The following WWOX variants were observed in gnomAD, a reference collection of about 807,000 sequenced individuals.
WWOX encodes WW domain containing oxidoreductase, also known as WW domain-containing oxidoreductase.
Under a neutral mutation model 46.2 loss-of-function variants are expected in WWOX, and 69 were observed. The observed-to-expected ratio is 1.49, with a 90% CI of 1.23 to 1.82. The LOEUF is 1.82. Among genes scored for constraint, WWOX ranks in the 40% most tolerant of loss-of-function variants. WWOX has a pLI of 0.00. For missense variants in WWOX, 919 were observed against 542.6 expected (o/e 1.69, Z -6.89); for synonymous variants, 359 against 202.6 (o/e 1.77, Z -6.56).
chr16:78,425,183 C>T (rs1023469089), intron 7 of WWOX, 128 bp downstream of exon 7: 55 of 1,286,908 alleles, frequency 4.3e-5, no homozygotes, highest in Non-Finnish European at 5.6e-5. Flanking sequence ...CTCAGCTTGG[C>T]TCACTTAATT....
intron 8 of WWOX, among the ~76,000 whole-genome samples, chr16:78,500,376 C>T (rs1450348154): frequency 6.8e-6 from 1 of 148,054 alleles, no homozygotes. Flanking sequence ...AACATTTTTG[C>T]ATTTCTTTCT....
At chr16:78,828,725 A>G (rs2051730373) in intron 8 of WWOX, among the ~76,000 whole-genome samples, 1 of 152,102 alleles carries the variant, frequency 6.6e-6, no homozygotes, top group South Asian at 2.1e-4. Context: ...GTAGTTAGCA[A>G]TATCGTCTCT....
intron 8 of WWOX, among the ~76,000 whole-genome samples, chr16:79,150,254 T>G (rs570418266): frequency 1.3e-5 from 2 of 152,232 alleles, no homozygotes; most frequent in Non-Finnish European, 2.9e-5. Flanking sequence ...CACTGAACTT[T>G]GTACTCAATG....
chr16:78,813,305 A>T lies in WWOX; in HGVS notation c.1056+380553A>T, dbSNP rs533873181. ...ATTTCCTTTTTTTCCCTCCTAAGCT[A>T]TAAATATACAGCCTTAAAAAAAACA... On this transcript the variant is annotated intron_variant, in intron 8 of 8. Coordinates refer to ENST00000566780, the MANE Select transcript of WWOX (RefSeq NM_016373.4). Among the ~76,000 whole-genome samples, 5 of 151,876 alleles carry T rather than the reference A, an allele frequency of 3.3e-5. No individual in the cohort carries two copies. The South Asian group carries it at 8.4e-4, about 25-fold the overall frequency.
chr16:78,928,071 C>T (rs2045539361), intron 8 of WWOX, among the ~76,000 whole-genome samples: 2 of 152,100 alleles, frequency 1.3e-5, no homozygotes, highest in Admixed American at 6.5e-5. Flanking sequence ...ATCCTGGATA[C>T]TGTGGTCGCC....
chr16:78,573,321 A>C (rs2044766087), intron 8 of WWOX, among the ~76,000 whole-genome samples: 1 of 152,238 alleles, frequency 6.6e-6, no homozygotes, highest in Non-Finnish European at 1.5e-5. Flanking sequence ...AAAAGGTTTA[A>C]GAAATGTTCT....
chr16:78,815,597 A>G (rs564974824), intron 8 of WWOX, among the ~76,000 whole-genome samples: 1 of 152,272 alleles, frequency 6.6e-6, no homozygotes, highest in Admixed American at 6.5e-5. Flanking sequence ...CAAAACACAC[A>G]TTTATGGGGG....
At chr16:78,334,879 C>G (rs2080849279) in intron 5 of WWOX, among the ~76,000 whole-genome samples, 1 of 125,422 alleles carries the variant, frequency 8.0e-6, no homozygotes, top group Non-Finnish European at 1.6e-5. Context: ...CACACCTGAA[C>G]AAGAGGAAGA....
At chr16:79,127,654 G>C (rs1015046577) in intron 8 of WWOX, among the ~76,000 whole-genome samples, 1 of 152,166 alleles carries the variant, frequency 6.6e-6, no homozygotes, top group African/African-American at 2.4e-5. Context: ...GGCTGAGAGA[G>C]TATGCACTCC....
chr16:78,467,237 T>A (rs1404437519), intron 8 of WWOX, among the ~76,000 whole-genome samples: 1 of 152,206 alleles, frequency 6.6e-6, no homozygotes, highest in South Asian at 2.1e-4. Context: ...GGCAGAGGGC[T>A]TTTTTCTGAT....
chr16:79,001,135 C>T (rs542759816), intron 8 of WWOX, among the ~76,000 whole-genome samples: 2 of 152,302 alleles, frequency 1.3e-5, no homozygotes, highest in African/African-American at 2.4e-5. Flanking sequence ...CATCCAGGTG[C>T]CAGTCAGGGA....
At chr16:78,536,373 G>A (rs950103803) in intron 8 of WWOX, among the ~76,000 whole-genome samples, 3 of 151,876 alleles carry the variant, frequency 2.0e-5, no homozygotes, top group Non-Finnish European at 4.4e-5. Flanking sequence ...GAAGCTGCGA[G>A]CTGTGGGGCA....
At chr16:78,565,110 C>A (rs551940667) in intron 8 of WWOX, among the ~76,000 whole-genome samples, 1 of 152,222 alleles carries the variant, frequency 6.6e-6, no homozygotes, top group Non-Finnish European at 1.5e-5. Context: ...ATTCATTCAT[C>A]AGAGCAGCAT....
At chr16:78,235,958 C>T (rs1283734717) in intron 5 of WWOX, among the ~76,000 whole-genome samples, 1 of 152,200 alleles carries the variant, frequency 6.6e-6, no homozygotes, top group East Asian at 1.9e-4. Flanking sequence ...ATATTTTTAG[C>T]TTTGTGGGCT....
At chr16:78,829,215 C>G (rs933392308) in intron 8 of WWOX, among the ~76,000 whole-genome samples, 2 of 152,070 alleles carry the variant, frequency 1.3e-5, no homozygotes, top group African/African-American at 4.8e-5. Flanking sequence ...TTGGCTCACA[C>G]AATTATGGAA....
intron 8 of WWOX, among the ~76,000 whole-genome samples, chr16:78,962,048 C>A (rs149887572): frequency 2.4e-3 from 371 of 152,174 alleles, no homozygotes; most frequent in African/African-American, 8.5e-3. Context: ...GATGTGACTT[C>A]TACCTATGAT....
intron 8 of WWOX, among the ~76,000 whole-genome samples, chr16:78,522,837 CA>C (rs1157896891): frequency 1.3e-5 from 2 of 152,142 alleles, no homozygotes; most frequent in Non-Finnish European, 2.9e-5. Flanking sequence ...TTTGGGAGGC[CA>C]AGGCAGGTGG....
chr16:78,144,924 A>G (rs1382594669), intron 4 of WWOX, among the ~76,000 whole-genome samples: 1 of 152,162 alleles, frequency 6.6e-6, no homozygotes. Flanking sequence ...CAGTTATTTT[A>G]TTCAATTTTC....
chr16:78,971,874 T>C (rs1369576207), intron 8 of WWOX, among the ~76,000 whole-genome samples: 1 of 152,112 alleles, frequency 6.6e-6, no homozygotes, highest in Non-Finnish European at 1.5e-5. Flanking sequence ...GACCTCAGTT[T>C]CCTCATCAGC....
Sources: allele counts gnomAD v4.1 joint callset (sites outside exome capture counted in the v4.1 genomes callset), GRCh38; gene constraint gnomAD v4.1.1; transcripts MANE v1.5; gene names NCBI Gene and HGNC (gene_info 2026-07-23, HGNC 2026-07-21).